CTDP1: variants seen among roughly 807,000 people sequenced by gnomAD.
CTDP1 encodes RNA polymerase II subunit A C-terminal domain phosphatase.
A neutral mutation model predicts 91.8 loss-of-function variants in CTDP1; 47 were observed. The ratio of observed to expected loss-of-function variants is 0.51; its 90% CI spans 0.41 to 0.65. CTDP1 has a LOEUF of 0.65. Among genes scored for constraint, CTDP1 ranks in the 30% least tolerant of loss-of-function variants. CTDP1 has a pLI of 0.00. For missense variants in CTDP1, 1,272 were observed against 1,373.7 expected (o/e 0.93, Z 1.17); for synonymous variants, 656 against 598.5 (o/e 1.10, Z -1.40).
rs138084572 is a variant in CTDP1 at position 79,688,372 on chromosome 18, C to G, written c.315-6853C>G. On this transcript the variant is annotated intron_variant, in intron 1 of 12. Coordinates refer to ENST00000613122, the MANE Select transcript of CTDP1 (RefSeq NM_004715.5). ...CTCCACCTCCTGGGTTCAAGCGATTCTCCTGCCTCGGCCTCCTGAGTAGCT... is the reference window on the plus strand; with the variant it reads ...CTCCACCTCCTGGGTTCAAGCGATTGTCCTGCCTCGGCCTCCTGAGTAGCT... Among the ~76,000 whole-genome samples, 703 of 152,396 alleles carry G rather than the reference C, an allele frequency of 4.6e-3. 9 individuals carry two copies. The highest frequency in any genetic ancestry group is 0.016 in the African/African-American group (668 of 41,598).
At chr18:79,734,619 C>A (rs562611617) in intron 11 of CTDP1, among the ~76,000 whole-genome samples, 3 of 152,078 alleles carry the variant, frequency 2.0e-5, no homozygotes, top group South Asian at 4.1e-4. Context: ...CGTGGGCTGC[C>A]GTGCTGGCCG....
intron 12 of CTDP1, among the ~76,000 whole-genome samples, chr18:79,745,024 A>G (rs2086851548): frequency 1.3e-5 from 2 of 152,196 alleles, no homozygotes; most frequent in African/African-American, 4.8e-5. Context: ...GGCTCTCAGC[A>G]GGGGTACCAG....
Position 79,736,468 on chromosome 18 carries a change from G to A in CTDP1, c.2694G>A (p.Thr898=), listed in dbSNP as rs935450087. 2.9e-5 allele frequency: 45 copies of A among 1,548,674 alleles called. No homozygotes were observed. The highest frequency in any genetic ancestry group is 3.6e-5 in the Non-Finnish European group (41 of 1,146,858). ...PRKPGTRRER[T]LGAPASSERS... is the part of the protein sequence containing the mutation. ...AGCCAGGGACCCGCAGGGAGCGGAC[G>A]CTCGGGGCACCTGCGTCCAGCGAGA... The change falls in exon 12 of 13, where the codon ACG becomes ACA. Residue 898 remains threonine, a synonymous_variant. Coordinates refer to ENST00000613122, the MANE Select transcript of CTDP1 (RefSeq NM_004715.5).
At chr18:79,681,439 A>T in intron 1 of CTDP1, 4 of 984,814 alleles carry the variant, frequency 4.1e-6, no homozygotes, top group Non-Finnish European at 4.8e-6. Context: ...TGGACAGAAA[A>T]CCCCAGGATG....
intron 9 of CTDP1, 37 bp downstream of exon 9, chr18:79,717,713 C>T (rs370887768): frequency 2.1e-5 from 34 of 1,613,826 alleles, no homozygotes; most frequent in Non-Finnish European, 2.7e-5. Context: ...CCGTGCCAGG[C>T]GTTCCCTTGC....
intron 1 of CTDP1, 63 bp from the exon 2 acceptor site, chr18:79,695,162 T>C (rs2085720947): frequency 1.4e-6 from 2 of 1,478,844 alleles, no homozygotes; most frequent in East Asian, 2.3e-5. Flanking sequence ...AAATTCTTAC[T>C]TGGGGGCTCT....
intron 11 of CTDP1, among the ~76,000 whole-genome samples, chr18:79,733,230 G>A (rs946928926): frequency 2.7e-4 from 41 of 152,014 alleles, no homozygotes; most frequent in Admixed American, 2.5e-3. Flanking sequence ...GCAGAGGACA[G>A]GTGTGCGTTT....
In CTDP1 at chr18:79,694,305, C is replaced by CTG. The variant is rs1568178192; in HGVS notation, c.315-920_315-919insTG. The stretch of plus-strand genomic sequence containing the variant: ...CGCTGAGTGCTGGGCGGTCTCATGT[C>CTG]CACGGGGTGGGGTGGTCGGAGCAGC... On this transcript the variant is annotated intron_variant, in intron 1 of 12. Transcript: ENST00000613122. 1.0e-3 allele frequency among the ~76,000 whole-genome samples: 109 copies of CTG among 106,622 alleles called. 1 individual carries two copies. Among genetic ancestry groups the CTG allele is most frequent in the African/African-American group, 3.3e-3 (98 of 29,342 alleles). 69.9% of individuals were successfully genotyped at this position (106,622 alleles called of 152,430 possible).
At chr18:79,733,044 G>C (rs752505337) in intron 11 of CTDP1, among the ~76,000 whole-genome samples, 1 of 152,226 alleles carries the variant, frequency 6.6e-6, no homozygotes. Flanking sequence ...GAGTCTCCTC[G>C]TGGTGGGCGT....
At chr18:79,751,713 A>C (rs1419330938) in intron 12 of CTDP1, among the ~76,000 whole-genome samples, 1 of 152,134 alleles carries the variant, frequency 6.6e-6, no homozygotes, top group African/African-American at 2.4e-5. Flanking sequence ...GTGCAGGTGT[A>C]TCACATTACC....
chr18:79,706,365 C>T (rs2085966981), intron 5 of CTDP1, among the ~76,000 whole-genome samples: 1 of 152,166 alleles, frequency 6.6e-6, no homozygotes, highest in Admixed American at 6.5e-5. Context: ...CAGATTGTGC[C>T]GTTGCAGCCA....
chr18:79,751,545 G>A (rs986942416), intron 12 of CTDP1, among the ~76,000 whole-genome samples: 1 of 152,194 alleles, frequency 6.6e-6, no homozygotes, highest in Admixed American at 6.5e-5. Flanking sequence ...CTTGTCTTCT[G>A]TTGGTTCCAT....
At chr18:79,734,035 A>G (rs2122768167) in intron 11 of CTDP1, among the ~76,000 whole-genome samples, 1 of 152,364 alleles carries the variant, frequency 6.6e-6, no homozygotes, top group African/African-American at 2.4e-5. Flanking sequence ...AGTTCGCTTA[A>G]CAATTTTCTA....
chr18:79,739,858 C>T, intron 12 of CTDP1, among the ~76,000 whole-genome samples: 2 of 45,886 alleles, frequency 4.4e-5, no homozygotes, highest in African/African-American at 1.7e-4. Context: ...ACTCTCATAC[C>T]CACGGCCGGG....
At chr18:79,736,220 C>T in intron 11 of CTDP1, 135 bp from the exon 12 acceptor site, 1 of 1,147,136 alleles carries the variant, frequency 8.7e-7, no homozygotes. Context: ...CCCCAGGGCT[C>T]AGGTAGAAAG....
At chr18:79,719,281 T>C (rs1005163123) in intron 10 of CTDP1, among the ~76,000 whole-genome samples, 1 of 151,994 alleles carries the variant, frequency 6.6e-6, no homozygotes, top group Admixed American at 6.6e-5. Flanking sequence ...TGGAGAGTGT[T>C]GCTAAGAGGA....
intron 4 of CTDP1, among the ~76,000 whole-genome samples, chr18:79,703,366 G>GA (rs888390549): frequency 6.6e-6 from 1 of 152,124 alleles, no homozygotes; most frequent in Non-Finnish European, 1.5e-5. Context: ...ATTTTACTGA[G>GA]AAAATAACAG....
intron 10 of CTDP1, among the ~76,000 whole-genome samples, chr18:79,726,872 T>TG (rs113028614): frequency 0.062 from 749 of 12,006 alleles, 71 homozygotes; most frequent in African/African-American, 0.17. Flanking sequence ...GCTGTGGGGG[T>TG]GGGGTGACGC....
In CTDP1 at chr18:79,736,991, G is replaced by T. The variant is rs542367425; in HGVS notation, c.2747+470G>T. Reference sequence around the variant, plus strand: ...TGCAGGGTCTGCACATGGCACTGCTGGTCAGGAGCCAGCGTCCTGCATGTC... The same window carrying T: ...TGCAGGGTCTGCACATGGCACTGCTTGTCAGGAGCCAGCGTCCTGCATGTC... On this transcript the variant is annotated intron_variant, in intron 12 of 12. Coordinates refer to ENST00000613122, the MANE Select transcript of CTDP1 (RefSeq NM_004715.5). Among the ~76,000 whole-genome samples, 3 of 152,318 alleles carry T rather than the reference G, an allele frequency of 2.0e-5. No homozygotes were observed. The South Asian group carries it at 6.2e-4, about 32-fold the overall frequency.
Sources: allele counts gnomAD v4.1 joint callset (sites outside exome capture counted in the v4.1 genomes callset), GRCh38; gene constraint gnomAD v4.1.1; transcripts MANE v1.5; gene names NCBI Gene and HGNC (gene_info 2026-07-23, HGNC 2026-07-21).